Variants in CNIH3 observed in about 807,000 individuals in gnomAD.
The protein encoded by CNIH3 is cornichon family AMPA receptor auxiliary protein 3.
In CNIH3, 14 loss-of-function variants were observed where a neutral mutation model predicts 24.1. The observed-to-expected ratio is 0.58, with a 90% CI of 0.38 to 0.91. CNIH3 has a LOEUF of 0.91. Among genes scored for constraint, CNIH3 ranks in the 40% least tolerant of loss-of-function variants. The pLI, the probability that CNIH3 is intolerant of heterozygous loss-of-function variation, is 0.00. For synonymous variants in CNIH3, 68 were observed against 73.8 expected, an observed-to-expected ratio of 0.92 and a Z score of 0.40; for missense variants, 178 against 196.8, an observed-to-expected ratio of 0.90 and a Z score of 0.57.
chr1:224,645,721 A>G (rs1219082995), intron 1 of CNIH3, among the ~76,000 whole-genome samples: 2 of 152,192 alleles, frequency 1.3e-5, no homozygotes, highest in Non-Finnish European at 2.9e-5. Flanking sequence ...CTAGAAACCT[A>G]AAGAAAAGCA....
At chr1:224,711,475 C>A (rs745840565) in intron 3 of CNIH3, among the ~76,000 whole-genome samples, 2 of 151,888 alleles carry the variant, frequency 1.3e-5, no homozygotes, top group Non-Finnish European at 1.5e-5. Context: ...CATGAGCCAC[C>A]GTGCCTAGCT....
intron 3 of CNIH3, among the ~76,000 whole-genome samples, chr1:224,593,987 C>G (rs1681870967): frequency 6.6e-6 from 1 of 152,182 alleles, no homozygotes; most frequent in South Asian, 2.1e-4. Flanking sequence ...AGGTTACCAA[C>G]AGCTGGGAGA....
chr1:224,727,091 C>G (rs1572823374), intron 3 of CNIH3, among the ~76,000 whole-genome samples: 1 of 152,176 alleles, frequency 6.6e-6, no homozygotes, highest in African/African-American at 2.4e-5. Context: ...TTATTCAGCC[C>G]CTGCCCGAGC....
chr1:224,499,378 C>G (rs1157373872), intron 1 of CNIH3, among the ~76,000 whole-genome samples: 1 of 152,146 alleles, frequency 6.6e-6, no homozygotes, highest in African/African-American at 2.4e-5. Context: ...CTTCCCCACT[C>G]CAGGCCATGT....
intron 1 of CNIH3, among the ~76,000 whole-genome samples, chr1:224,445,983 C>G (rs904195307): frequency 6.6e-6 from 1 of 152,080 alleles, no homozygotes; most frequent in Non-Finnish European, 1.5e-5. Context: ...TCCAGTTGAC[C>G]CACACCACAG....
chr1:224,730,135 C>CA (rs1689244726), intron 3 of CNIH3, among the ~76,000 whole-genome samples: 1 of 152,212 alleles, frequency 6.6e-6, no homozygotes. Context: ...GGTCAGATGA[C>CA]ACATGGGCTG....
intron 1 of CNIH3, among the ~76,000 whole-genome samples, chr1:224,509,284 A>G (rs1678043386): frequency 6.6e-6 from 1 of 152,208 alleles, no homozygotes; most frequent in African/African-American, 2.4e-5. Flanking sequence ...AGATCATGCC[A>G]GTGCACTCCA....
chr1:224,561,693 A>T (rs1052135136), intron 3 of CNIH3, among the ~76,000 whole-genome samples: 1 of 152,210 alleles, frequency 6.6e-6, no homozygotes, highest in Non-Finnish European at 1.5e-5. Flanking sequence ...ATGGTGTCAG[A>T]CAAGTGTGGT....
At chr1:224,683,574 G>A (rs544699518) in intron 2 of CNIH3, among the ~76,000 whole-genome samples, 8 of 152,288 alleles carry the variant, frequency 5.3e-5, no homozygotes, top group Admixed American at 1.3e-4. Context: ...CATATGATGC[G>A]TCTCTCAATG....
chr1:224,452,924 C>T (rs1558073810), intron 1 of CNIH3, among the ~76,000 whole-genome samples: 1 of 151,370 alleles, frequency 6.6e-6, no homozygotes, highest in Non-Finnish European at 1.5e-5. Flanking sequence ...AGTTCAAGAC[C>T]AGCCTGACCA....
chr1:224,500,149 C>T (rs1677594138), intron 1 of CNIH3, among the ~76,000 whole-genome samples: 1 of 151,048 alleles, frequency 6.6e-6, no homozygotes, highest in South Asian at 2.1e-4. Flanking sequence ...GACTACAGGC[C>T]TGCACCATCA....
intron 1 of CNIH3, among the ~76,000 whole-genome samples, chr1:224,481,871 A>G (rs1676827357): frequency 6.6e-6 from 1 of 152,218 alleles, no homozygotes; most frequent in Non-Finnish European, 1.5e-5. Flanking sequence ...GGATGGGTCC[A>G]AAGATGCTGT....
intron 1 of CNIH3, among the ~76,000 whole-genome samples, chr1:224,509,467 T>C (rs1284904276): frequency 6.6e-6 from 1 of 152,150 alleles, no homozygotes; most frequent in Admixed American, 6.5e-5. Context: ...AGCTCACACA[T>C]AATCTACCCT....
intron 4 of CNIH3, among the ~76,000 whole-genome samples, chr1:224,575,653 A>T (rs1681005758): frequency 1.3e-5 from 2 of 152,122 alleles, no homozygotes; most frequent in Non-Finnish European, 2.9e-5. Flanking sequence ...AAAATCTACC[A>T]GGTCAAAATA....
At chr1:224,451,835 CT>C (rs1289387085) in intron 1 of CNIH3, among the ~76,000 whole-genome samples, 1 of 152,148 alleles carries the variant, frequency 6.6e-6, no homozygotes, top group Non-Finnish European at 1.5e-5. Context: ...CCGATGACTT[CT>C]TTTAAGCTAA....
chr1:224,483,649 T>G (rs1040250328), intron 1 of CNIH3, among the ~76,000 whole-genome samples: 4 of 151,488 alleles, frequency 2.6e-5, no homozygotes, highest in African/African-American at 9.7e-5. Context: ...CCGCCCACCT[T>G]GGCATCCCAA....
At chr1:224,645,885 G>T (rs1572649603) in intron 1 of CNIH3, among the ~76,000 whole-genome samples, 1 of 152,356 alleles carries the variant, frequency 6.6e-6, no homozygotes, top group African/African-American at 2.4e-5. Context: ...AAGCAGTGGG[G>T]AGATGCAGTG....
intron 1 of CNIH3, among the ~76,000 whole-genome samples, chr1:224,623,155 T>G (rs757959245): frequency 1.3e-5 from 2 of 152,104 alleles, no homozygotes; most frequent in Non-Finnish European, 2.9e-5. Flanking sequence ...GCCTCTGCAG[T>G]GAGCTCCCTG....
chr1:224,538,606 G>T (rs150082258), downstream of CNIH3, among the ~76,000 whole-genome samples: 173 of 151,392 alleles, frequency 1.1e-3, 2 homozygotes, highest in East Asian at 0.028. Context: ...CTACATCTTG[G>T]ACAATGCCTT....
Sources: allele counts gnomAD v4.1 joint callset (sites outside exome capture counted in the v4.1 genomes callset), GRCh38; gene constraint gnomAD v4.1.1; transcripts MANE v1.5; gene names NCBI Gene and HGNC (gene_info 2026-07-23, HGNC 2026-07-21).